ROBO2: variants seen among roughly 807,000 people sequenced by gnomAD.
The protein encoded by ROBO2 is roundabout guidance receptor 2.
In ROBO2, 53 loss-of-function variants were observed where a neutral mutation model predicts 160.8. The observed-to-expected ratio is 0.33, with a 90% confidence interval of 0.26 to 0.41. ROBO2 has a LOEUF of 0.41. Among genes scored for constraint, ROBO2 ranks in the 10% least tolerant of loss-of-function variants. ROBO2 has a pLI of 1.00. For synonymous variants in ROBO2, 664 were observed against 611.7 expected (o/e 1.09, Z -1.26); for missense variants, 1,577 against 1,722.4 (o/e 0.92, Z 1.49).
At chr3:76,683,441 C>A (rs1304021135) in intron 2 of ROBO2, among the ~76,000 whole-genome samples, 1 of 106,296 alleles carries the variant, frequency 9.4e-6, no homozygotes, top group Non-Finnish European at 1.9e-5. Flanking sequence ...TGATAAAGTT[C>A]TTTTTATAAG....
At chr3:77,195,106 A>G (rs1189827297) in intron 2 of ROBO2, among the ~76,000 whole-genome samples, 1 of 152,118 alleles carries the variant, frequency 6.6e-6, no homozygotes, top group Non-Finnish European at 1.5e-5. Context: ...CACCCCTTCA[A>G]ATATGTTTTT....
chr3:76,971,954 T>C (rs2059592068), intron 2 of ROBO2, among the ~76,000 whole-genome samples: 1 of 152,214 alleles, frequency 6.6e-6, no homozygotes, highest in South Asian at 2.1e-4. Flanking sequence ...GTTCTCATAA[T>C]ATCCTTACCA....
chr3:76,866,174 G>T (rs1340755075), intron 2 of ROBO2, among the ~76,000 whole-genome samples: 1 of 151,964 alleles, frequency 6.6e-6, no homozygotes, highest in Admixed American at 6.6e-5. Context: ...AATATTCTAT[G>T]TATTTTTACT....
At chr3:77,174,249 T>C (rs1579638470) in intron 2 of ROBO2, among the ~76,000 whole-genome samples, 1 of 152,020 alleles carries the variant, frequency 6.6e-6, no homozygotes, top group East Asian at 1.9e-4. Flanking sequence ...TAATCCGAAA[T>C]TTTAAATGAA....
chr3:77,148,760 A>G (rs2077312485), intron 2 of ROBO2, among the ~76,000 whole-genome samples: 1 of 152,216 alleles, frequency 6.6e-6, no homozygotes, highest in South Asian at 2.1e-4. Context: ...TGACTCTATT[A>G]CATAATATAG....
intron 2 of ROBO2, among the ~76,000 whole-genome samples, chr3:76,236,540 G>A (rs1003502011): frequency 2.6e-5 from 4 of 152,130 alleles, no homozygotes; most frequent in African/African-American, 9.7e-5. Context: ...TTGAATCGTG[G>A]TTAAGTAATT....
chr3:76,042,689 G>A (rs1430224379), intron 2 of ROBO2, among the ~76,000 whole-genome samples: 1 of 151,934 alleles, frequency 6.6e-6, no homozygotes, highest in African/African-American at 2.4e-5. Context: ...GGGCCTGTCT[G>A]GCCTAAACCT....
intron 2 of ROBO2, among the ~76,000 whole-genome samples, chr3:77,352,911 T>A (rs1258777669): frequency 6.6e-6 from 1 of 152,210 alleles, no homozygotes; most frequent in Non-Finnish European, 1.5e-5. Flanking sequence ...TCATTTCACA[T>A]GGTCCATCAC....
chr3:76,286,028 A>G (rs1708487747), intron 2 of ROBO2, among the ~76,000 whole-genome samples: 1 of 152,190 alleles, frequency 6.6e-6, no homozygotes, highest in African/African-American at 2.4e-5. Context: ...TGCAGGTACA[A>G]AAATGGATAA....
chr3:77,416,642 A>C (rs539627200), intron 2 of ROBO2, among the ~76,000 whole-genome samples: 10 of 149,102 alleles, frequency 6.7e-5, no homozygotes, highest in African/African-American at 2.5e-4. Flanking sequence ...ACTTGAAACC[A>C]GGAGGCAGAG....
At chr3:76,968,788 C>T (rs550296952) in intron 2 of ROBO2, among the ~76,000 whole-genome samples, 9 of 152,260 alleles carry the variant, frequency 5.9e-5, no homozygotes, top group African/African-American at 1.9e-4. Context: ...ATATTTTCAG[C>T]TAAATATGTG....
intron 2 of ROBO2, among the ~76,000 whole-genome samples, chr3:76,402,609 G>A (rs1025306509): frequency 8.6e-5 from 13 of 151,476 alleles, no homozygotes; most frequent in East Asian, 5.8e-4. Flanking sequence ...GGAAGAACCC[G>A]TTTCCTACTG....
intron 7 of ROBO2, among the ~76,000 whole-genome samples, chr3:77,546,668 C>A (rs903733272): frequency 6.6e-5 from 10 of 152,102 alleles, no homozygotes; most frequent in Admixed American, 2.6e-4. Context: ...TTTCAAAATT[C>A]TGTCTCTTAC....
At chr3:77,372,461 T>C (rs1444912925) in intron 2 of ROBO2, among the ~76,000 whole-genome samples, 1 of 152,154 alleles carries the variant, frequency 6.6e-6, no homozygotes, top group African/African-American at 2.4e-5. Context: ...AAATAAATGA[T>C]GAGGTCCCAT....
At chr3:76,809,771 C>T (rs908390096) in intron 2 of ROBO2, among the ~76,000 whole-genome samples, 1 of 151,828 alleles carries the variant, frequency 6.6e-6, no homozygotes, top group African/African-American at 2.4e-5. Context: ...TTTTAAATTA[C>T]CTTATATCAT....
intron 2 of ROBO2, among the ~76,000 whole-genome samples, chr3:76,744,280 C>T (rs966138884): frequency 6.7e-6 from 1 of 149,898 alleles, no homozygotes; most frequent in Non-Finnish European, 1.5e-5. Context: ...CCGCCTGTTA[C>T]TTCTTCTTCT....
At chr3:77,388,468 T>C (rs1480386919) in intron 2 of ROBO2, among the ~76,000 whole-genome samples, 1 of 152,164 alleles carries the variant, frequency 6.6e-6, no homozygotes, top group Non-Finnish European at 1.5e-5. Context: ...TCCCTTTTGT[T>C]CTTCTCGCTC....
At chr3:77,323,298 C>T (rs1394339988) in intron 2 of ROBO2, among the ~76,000 whole-genome samples, 1 of 151,526 alleles carries the variant, frequency 6.6e-6, no homozygotes, top group African/African-American at 2.4e-5. Context: ...CACATTAACC[C>T]TCCTTTGGCA....
chr3:77,325,419 T>C (rs1260102275), intron 2 of ROBO2, among the ~76,000 whole-genome samples: 4 of 152,204 alleles, frequency 2.6e-5, no homozygotes, highest in African/African-American at 9.6e-5. Flanking sequence ...ATTTGACAAC[T>C]CTGCCACACT....
Sources: allele counts gnomAD v4.1 joint callset (sites outside exome capture counted in the v4.1 genomes callset), GRCh38; gene constraint gnomAD v4.1.1; transcripts MANE v1.5; gene names NCBI Gene and HGNC (gene_info 2026-07-23, HGNC 2026-07-21).